SNTG2: variants seen among roughly 807,000 people sequenced by gnomAD.
SNTG2 encodes the protein gamma-2-syntrophin.
SNTG2 carries 74 observed loss-of-function variants against 70.9 expected under a neutral mutation model. The observed-to-expected ratio is 1.04, with a 90% confidence interval of 0.86 to 1.27. The LOEUF (loss-of-function observed/expected upper bound fraction) is 1.27, where lower values mean the gene tolerates loss of function less well. Among genes scored for constraint, SNTG2 ranks in the 50% most tolerant of loss-of-function variants. The pLI is 0.00. For missense variants in SNTG2, 717 were observed against 690.7 expected (o/e 1.04, Z -0.43); for synonymous variants, 278 against 273.8 (o/e 1.02, Z -0.15).
chr2:1,145,376 A>G (rs1003049677), intron 6 of SNTG2, among the ~76,000 whole-genome samples: 2 of 152,200 alleles, frequency 1.3e-5, no homozygotes, highest in Non-Finnish European at 2.9e-5. Context: ...CAAGTTAATA[A>G]TATTAGAAAT....
Position 1,353,367 on chromosome 2 carries a change from G to T in SNTG2, c.1489-13976G>T, listed in dbSNP as rs181197669. 6.6e-6 allele frequency among the ~76,000 whole-genome samples: 1 copy of T among 152,154 alleles called. No individual in the cohort carries two copies. The highest frequency in any genetic ancestry group is 2.4e-5 in the African/African-American group (1 of 41,422). On this transcript the variant is annotated intron_variant, in intron 16 of 16. Transcript: ENST00000308624. This position sits in a 1 kb window ranked among gnomAD's most constrained non-coding sequence, Gnocchi z 4.2. ...CCTGGCTTGGACTCTCTGCAGCACC[G>T]CAAGTGTGGAATTGAGTTCCGGGGT...
intron 4 of SNTG2, among the ~76,000 whole-genome samples, chr2:1,110,626 T>A (rs762506186): frequency 6.6e-5 from 10 of 152,226 alleles, no homozygotes; most frequent in Non-Finnish European, 1.2e-4. Context: ...GAGATGCCTC[T>A]TCCCAGAGCT....
intron 8 of SNTG2, among the ~76,000 whole-genome samples, chr2:1,199,463 G>T (rs895292544): frequency 6.6e-6 from 1 of 151,982 alleles, no homozygotes; most frequent in Non-Finnish European, 1.5e-5. Context: ...ATTGTAATAA[G>T]ACAAAGATGC....
chr2:1,048,113 A>G lies in SNTG2; in HGVS notation c.73-35405A>G, dbSNP rs144554932. ...CCTTATAGTCTTCATCCCTATTTCA[A>G]TTCTTTCCTTCACCTCATCATAGTC... On this transcript the variant is annotated intron_variant, in intron 1 of 16. Transcript: ENST00000308624. 5.9e-3 allele frequency among the ~76,000 whole-genome samples: 895 copies of G among 152,090 alleles called. 11 individuals carry two copies. Among genetic ancestry groups the G allele is most frequent in the African/African-American group, 0.021 (861 of 41,484 alleles).
At chr2:969,295 T>C (rs1660665036) in intron 1 of SNTG2, among the ~76,000 whole-genome samples, 2 of 120,858 alleles carry the variant, frequency 1.7e-5, no homozygotes, top group African/African-American at 5.2e-5. Context: ...AGTTGGGTAA[T>C]GTTGTGCCTC....
intron 14 of SNTG2, among the ~76,000 whole-genome samples, chr2:1,276,472 G>A (rs1490904781): frequency 6.6e-6 from 1 of 152,142 alleles, no homozygotes; most frequent in Non-Finnish European, 1.5e-5. Flanking sequence ...ACAAAGCCTG[G>A]ATGACAGCAC....
At chr2:1,207,527 G>A (rs1297136719) in intron 8 of SNTG2, among the ~76,000 whole-genome samples, 1 of 152,200 alleles carries the variant, frequency 6.6e-6, no homozygotes, top group Non-Finnish European at 1.5e-5. Flanking sequence ...CGTTGAGGGA[G>A]AGGCCTTTCA....
intron 14 of SNTG2, among the ~76,000 whole-genome samples, chr2:1,296,329 A>G (rs1031935370): frequency 7.9e-5 from 12 of 152,244 alleles, no homozygotes; most frequent in Non-Finnish European, 1.5e-4. Context: ...TTTGATTTTT[A>G]TAAAACTTAT....
chr2:1,319,209 G>A (rs190653268), intron 16 of SNTG2, among the ~76,000 whole-genome samples: 13 of 152,318 alleles, frequency 8.5e-5, no homozygotes, highest in Admixed American at 2.0e-4. Flanking sequence ...GACCGGCATC[G>A]CTGCCTTGTG....
chr2:1,171,123 CATT>C (rs1288648583), intron 7 of SNTG2, among the ~76,000 whole-genome samples: 1 of 152,058 alleles, frequency 6.6e-6, no homozygotes, highest in Non-Finnish European at 1.5e-5. Flanking sequence ...CTATTTTTCT[CATT>C]AAGAATTCTT....
intron 9 of SNTG2, 113 bp downstream of exon 9, chr2:1,209,343 C>T (rs1158078993): frequency 2.1e-5 from 26 of 1,266,928 alleles, no homozygotes; most frequent in Middle Eastern, 1.9e-4. Context: ...AGCAAGTGTG[C>T]GTGCTGTCTT....
At chr2:1,152,583 T>G (rs1163693500) in intron 6 of SNTG2, among the ~76,000 whole-genome samples, 1 of 127,200 alleles carries the variant, frequency 7.9e-6, no homozygotes, top group Non-Finnish European at 1.6e-5. Flanking sequence ...TGCATGTGTG[T>G]GTGTGCACAT....
rs1393910107 is a variant in SNTG2 at position 1,137,716 on chromosome 2, CTTGTATTAATCAATCG to C, written c.370-49_370-34del. 10 of 1,613,054 alleles carry C rather than the reference CTTGTATTAATCAATCG, an allele frequency of 6.2e-6. No individual in the cohort carries two copies. In the East Asian group the frequency reaches 1.3e-4, roughly 22 times the overall value. On this transcript the variant is annotated intron_variant, in intron 5 of 16. Transcript: ENST00000308624. ...AACTTGATTGCATTTTTATTTTTAA[CTTGTATTAATCAATCG>C]TTATTCTCAACATTCTTACTTTGTC...
At chr2:1,132,260 CACATACAT>C (rs1231215396) in intron 4 of SNTG2, among the ~76,000 whole-genome samples, 1 of 151,666 alleles carries the variant, frequency 6.6e-6, no homozygotes, top group South Asian at 2.1e-4. Context: ...CACACACACA[CACATACAT>C]ACACACATAC....
At chr2:1,311,117 G>A (rs1680968133) in intron 15 of SNTG2, among the ~76,000 whole-genome samples, 1 of 152,170 alleles carries the variant, frequency 6.6e-6, no homozygotes, top group South Asian at 2.1e-4. Context: ...CTTCCAGGGA[G>A]GAACTTTTCA....
At chr2:1,198,882 A>G (rs1214659730) in intron 8 of SNTG2, among the ~76,000 whole-genome samples, 1 of 152,094 alleles carries the variant, frequency 6.6e-6, no homozygotes, top group Admixed American at 6.6e-5. Flanking sequence ...ACAAGGTTGG[A>G]TCAGTAATAA....
chr2:1,088,609 A>G (rs777950038), intron 2 of SNTG2, among the ~76,000 whole-genome samples: 1 of 152,254 alleles, frequency 6.6e-6, no homozygotes, highest in Non-Finnish European at 1.5e-5. Flanking sequence ...AAACAACTGC[A>G]TTCGGAGCTT....
At chr2:1,180,866 C>T (rs920315932) in intron 8 of SNTG2, among the ~76,000 whole-genome samples, 7 of 152,006 alleles carry the variant, frequency 4.6e-5, no homozygotes, top group Non-Finnish European at 1.0e-4. Flanking sequence ...GGCACATATG[C>T]ACCATGGAAT....
chr2:1,156,701 T>G (rs1669920407), intron 6 of SNTG2, among the ~76,000 whole-genome samples: 1 of 151,964 alleles, frequency 6.6e-6, no homozygotes, highest in African/African-American at 2.4e-5. Context: ...GGGTTCGGTT[T>G]GAGGAGGAGG....
Sources: allele counts gnomAD v4.1 joint callset (sites outside exome capture counted in the v4.1 genomes callset), GRCh38; gene constraint gnomAD v4.1.1; non-coding constraint Gnocchi (gnomAD v3.1); transcripts MANE v1.5; gene names NCBI Gene and HGNC (gene_info 2026-07-23, HGNC 2026-07-21).